Variants in SESN3 observed in about 807,000 individuals in gnomAD.
The protein encoded by SESN3 is sestrin-3.
In SESN3, 21 loss-of-function variants were observed where a neutral mutation model predicts 55.3. The observed-to-expected ratio is 0.38, with a 90% confidence interval of 0.27 to 0.55. The LOEUF is 0.55. Ranked by LOEUF, SESN3 falls within the 20% of genes least tolerant of loss-of-function variation. SESN3 has a pLI of 0.76. For synonymous variants in SESN3, 181 were observed against 203.1 expected (o/e 0.89, Z 0.93); for missense variants, 408 against 604.3 (o/e 0.68, Z 3.41).
At chr11:95,212,832 T>C (rs1323132000) in intron 1 of SESN3, among the ~76,000 whole-genome samples, 1 of 152,202 alleles carries the variant, frequency 6.6e-6, no homozygotes, top group Non-Finnish European at 1.5e-5. Flanking sequence ...GATTTACCCA[T>C]AGCTACTTTG....
At chr11:95,189,704 C>A in intron 4 of SESN3, 75 bp downstream of exon 4, 1 of 1,021,282 alleles carries the variant, frequency 9.8e-7, no homozygotes. Flanking sequence ...ATTTATGTTC[C>A]AAGTTCCTAA....
Position 95,172,995 on chromosome 11 carries a change from T to C in SESN3, c.*260A>G. The C allele has an allele frequency of 2.7e-6, 1 of 373,770 alleles. No individual in the cohort carries two copies. Among genetic ancestry groups the C allele is most frequent in the Non-Finnish European group, 4.9e-6 (1 of 204,466 alleles). The allele number at this position is 373,770 out of a possible 1,614,324, so 23.2% of individuals were successfully genotyped here. A position where few individuals can be genotyped will look rare whatever the true frequency, so the allele number is the denominator to read the frequency against. On this transcript the variant is annotated 3_prime_UTR_variant, in exon 10 of 10. Coordinates refer to ENST00000536441, the MANE Select transcript of SESN3 (RefSeq NM_144665.4). ...CGCCAGATTCATGATTTATGATCAG[T>C]ATCCAAAACTCCAACTACAAACAAT...
chr11:95,176,895 A>C (rs1275978009), intron 8 of SESN3, among the ~76,000 whole-genome samples: 2 of 152,192 alleles, frequency 1.3e-5, no homozygotes, highest in African/African-American at 4.8e-5. Flanking sequence ...CAGTTATTAC[A>C]TACAACCATA....
intron 1 of SESN3, chr11:95,204,161 A>C (rs1388320744): frequency 6.6e-6 from 1 of 152,170 alleles, no homozygotes; most frequent in Non-Finnish European, 1.5e-5. Context: ...GGATTGATGA[A>C]GTTAAGAGTG....
At chr11:95,193,309 A>G in intron 2 of SESN3, 148 bp downstream of exon 2, 1 of 599,086 alleles carries the variant, frequency 1.7e-6, no homozygotes, top group South Asian at 2.0e-5. Flanking sequence ...GAAGCTGAAA[A>G]GAAAATATCT....
chr11:95,214,446 C>T (rs1371543168), intron 1 of SESN3, among the ~76,000 whole-genome samples: 1 of 152,126 alleles, frequency 6.6e-6, no homozygotes, highest in Non-Finnish European at 1.5e-5. Context: ...ACAATCTTTG[C>T]TTTTCAAAGA....
At chr11:95,210,634 A>C (rs1860637167) in intron 1 of SESN3, among the ~76,000 whole-genome samples, 2 of 152,258 alleles carry the variant, frequency 1.3e-5, no homozygotes. Context: ...ACAAATTTTC[A>C]TTAAGTGTTA....
intron 1 of SESN3, among the ~76,000 whole-genome samples, chr11:95,206,643 C>G (rs1380617700): frequency 1.3e-5 from 2 of 152,012 alleles, no homozygotes; most frequent in African/African-American, 2.4e-5. Context: ...TATTCAGGCC[C>G]TTTTCTGTTC....
chr11:95,188,193 C>T (rs950570933), intron 4 of SESN3, among the ~76,000 whole-genome samples: 2 of 151,654 alleles, frequency 1.3e-5, no homozygotes, highest in African/African-American at 4.8e-5. Flanking sequence ...CTCTTGTGAT[C>T]AAATGTACTT....
intron 9 of SESN3, 118 bp downstream of exon 9, chr11:95,175,380 G>T: frequency 1.1e-6 from 1 of 904,226 alleles, no homozygotes; most frequent in Non-Finnish European, 1.6e-6. Flanking sequence ...GCTAGATGAT[G>T]CCACTTCCAT....
intron 4 of SESN3, among the ~76,000 whole-genome samples, chr11:95,186,498 A>G (rs922411439): frequency 1.3e-5 from 2 of 151,966 alleles, no homozygotes; most frequent in African/African-American, 4.8e-5. Context: ...AGATCTGTTA[A>G]AGAACAAAAT....
chr11:95,183,449 G>A (rs866546243), intron 6 of SESN3, among the ~76,000 whole-genome samples: 7 of 152,000 alleles, frequency 4.6e-5, no homozygotes, highest in Non-Finnish European at 8.8e-5. Context: ...AACAAGTTAC[G>A]GCTGAAACAA....
chr11:95,180,554 G>A (rs1860041546), intron 6 of SESN3, among the ~76,000 whole-genome samples: 1 of 151,990 alleles, frequency 6.6e-6, no homozygotes, highest in Non-Finnish European at 1.5e-5. Context: ...CATATACCAA[G>A]TACTATACTA....
At position 95,218,030 on chromosome 11, in the gene SESN3, C is replaced by G. The variant is rs569780013; in HGVS notation, c.78+12753G>C. On this transcript the variant is annotated intron_variant, in intron 1 of 9. Transcript: ENST00000536441. Reference sequence around the variant, plus strand: ...CTCCAACACCAACACTCACATATTCCTGCATCAGGTACCACCTTTGTCCCC... The same window carrying G: ...CTCCAACACCAACACTCACATATTCGTGCATCAGGTACCACCTTTGTCCCC... 1.1e-3 allele frequency among the ~76,000 whole-genome samples: 173 copies of G among 152,344 alleles called. 2 individuals are homozygous for G. Among genetic ancestry groups the G allele is most frequent in the African/African-American group, 3.8e-3 (156 of 41,584 alleles).
intron 1 of SESN3, among the ~76,000 whole-genome samples, chr11:95,213,572 G>A (rs35743069): frequency 0.01 from 1,558 of 152,218 alleles, 35 homozygotes; most frequent in African/African-American, 0.036. Context: ...GGCTGCCAGT[G>A]GAGTCTTTTA....
At chr11:95,213,106 CT>C (rs1353000122) in intron 1 of SESN3, among the ~76,000 whole-genome samples, 2 of 151,740 alleles carry the variant, frequency 1.3e-5, no homozygotes, top group African/African-American at 4.8e-5. Context: ...CCTTATTTAT[CT>C]TTTTTTAAAT....
At chr11:95,176,905 A>T (rs1396223836) in intron 8 of SESN3, among the ~76,000 whole-genome samples, 2 of 152,170 alleles carry the variant, frequency 1.3e-5, no homozygotes, top group African/African-American at 4.8e-5. Context: ...ATACAACCAT[A>T]ATCTATTACA....
chr11:95,227,253 GACCTTGGCTCACCACA>G (rs1424647670), intron 1 of SESN3, among the ~76,000 whole-genome samples: 21 of 150,680 alleles, frequency 1.4e-4, no homozygotes, highest in East Asian at 5.8e-4. Context: ...GCAGTGGCGT[GACCTTGGCTCACCACA>G]ACCTTGGCTC....
At position 95,168,102 on chromosome 11, in the gene SESN3, T is replaced by C. The variant is rs942296386; in HGVS notation, c.*5153A>G. ...AATCATATGGGCTTCTGTGATCCCA[T>C]AGGACCATCTAAATACCCTTTGCCA... On this transcript the variant is annotated 3_prime_UTR_variant, in exon 10 of 10. Coordinates refer to ENST00000536441, the MANE Select transcript of SESN3 (RefSeq NM_144665.4). 9.2e-5 allele frequency: 14 copies of C among 152,134 alleles called. No homozygotes were observed. The highest frequency in any genetic ancestry group is 3.4e-4 in the African/African-American group (14 of 41,426). 9.4% of individuals were successfully genotyped at this position (152,134 alleles called of 1,614,324 possible).
Sources: gnomAD v4.1 joint callset for allele counts (sites outside exome capture counted in the v4.1 genomes callset) on GRCh38, gnomAD v4.1.1 for gene constraint, MANE v1.5 for transcripts, NCBI Gene and HGNC (gene_info 2026-07-23, HGNC 2026-07-21) for gene names.